Variants in NRXN3 observed in about 807,000 individuals in gnomAD.
NRXN3 encodes neurexin 3, also known as neurexin III.
NRXN3 carries 32 observed loss-of-function variants against 137.6 expected under a neutral mutation model. That is an observed-to-expected ratio of 0.23 (90% CI 0.18 to 0.31). The LOEUF is 0.31. Among genes scored for constraint, NRXN3 ranks in the 10% least tolerant of loss-of-function variants. The pLI is 1.00. For synonymous variants in NRXN3, 798 were observed against 784.5 expected, an observed-to-expected ratio of 1.02 and a Z score of -0.29; for missense variants, 1,574 against 2,062.5, an observed-to-expected ratio of 0.76 and a Z score of 4.59.
At position 78,874,133 on chromosome 14, in the gene NRXN3, G is replaced by A. The variant is rs143135856; in HGVS notation, c.2275+63789G>A. The stretch of plus-strand genomic sequence containing the variant: ...ATTACAGGAATGCACCACCATGTCC[G>A]GCTAATTTTTGTATTTTTAGTAGAG... On this transcript the variant is annotated intron_variant, in intron 10 of 20. Coordinates refer to ENST00000335750, the MANE Select transcript of NRXN3 (RefSeq NM_001330195.2). Among the ~76,000 whole-genome samples the A allele has an allele frequency of 4.2e-3, 641 of 151,966 alleles. 6 individuals carry two copies. The highest frequency in any genetic ancestry group is 0.015 in the African/African-American group (618 of 41,468).
chr14:79,534,190 G>T (rs1451708199), intron 16 of NRXN3, among the ~76,000 whole-genome samples: 2 of 152,130 alleles, frequency 1.3e-5, no homozygotes, highest in Non-Finnish European at 2.9e-5. Context: ...GAAGACCACT[G>T]GTTTATTCCA....
At chr14:78,407,720 T>A (rs2092574833) in intron 4 of NRXN3, among the ~76,000 whole-genome samples, 1 of 152,158 alleles carries the variant, frequency 6.6e-6, no homozygotes, top group African/African-American at 2.4e-5. Context: ...TATCTTTACC[T>A]CTCTTTTTAA....
intron 4 of NRXN3, among the ~76,000 whole-genome samples, chr14:78,542,426 C>T (rs2096599135): frequency 6.6e-6 from 1 of 152,252 alleles, no homozygotes; most frequent in South Asian, 2.1e-4. Context: ...AGGCTGCCAC[C>T]TTGCAGTTCA....
At chr14:78,530,378 A>C (rs1464516700) in intron 4 of NRXN3, among the ~76,000 whole-genome samples, 1 of 152,192 alleles carries the variant, frequency 6.6e-6, no homozygotes, top group African/African-American at 2.4e-5. Context: ...GCAGAAGGAA[A>C]TTTACTTAGA....
In NRXN3 at chr14:79,754,154, CT is replaced by C. The variant is rs1457284731; in HGVS notation, c.4015-50957del. Reference sequence around the variant, plus strand: ...CTGGCCAACATGGTGAAACCCCTGTCTCTACTAAAAGAAGAAAAAACAAAAA... The same window carrying C: ...CTGGCCAACATGGTGAAACCCCTGTCCTACTAAAAGAAGAAAAAACAAAAA... On this transcript the variant is annotated intron_variant, in intron 19 of 20. Coordinates refer to ENST00000335750, the MANE Select transcript of NRXN3 (RefSeq NM_001330195.2). 2.0e-5 allele frequency among the ~76,000 whole-genome samples: 3 copies of C among 151,956 alleles called. No individual in the cohort carries two copies. The East Asian group carries it at 5.8e-4, about 30-fold the overall frequency.
chr14:78,412,673 G>C (rs963661578), intron 4 of NRXN3, among the ~76,000 whole-genome samples: 5 of 152,152 alleles, frequency 3.3e-5, no homozygotes, highest in African/African-American at 1.2e-4. Flanking sequence ...CCCAGGTCAC[G>C]TGACTTCAGA....
chr14:78,574,959 T>A lies in NRXN3; in HGVS notation c.758-70161T>A, dbSNP rs144598610. 7.0e-4 allele frequency among the ~76,000 whole-genome samples: 106 copies of A among 152,322 alleles called. 1 individual carries two copies. The East Asian group carries it at 0.014, about 20-fold the overall frequency. ...AAATCTCACCTTGAATTATAATAATTCCCACATGTCAAGGGTGGGACCAGG... is the reference window on the plus strand; with the variant it reads ...AAATCTCACCTTGAATTATAATAATACCCACATGTCAAGGGTGGGACCAGG... On this transcript the variant is annotated intron_variant, in intron 4 of 20. Transcript: ENST00000335750.
intron 10 of NRXN3, among the ~76,000 whole-genome samples, chr14:78,935,270 G>C (rs1294211440): frequency 6.6e-6 from 1 of 152,138 alleles, no homozygotes; most frequent in Non-Finnish European, 1.5e-5. Flanking sequence ...AAGGGCTGTG[G>C]ATATATGTAC....
chr14:79,549,873 A>G (rs2097357105), intron 16 of NRXN3, among the ~76,000 whole-genome samples: 1 of 152,090 alleles, frequency 6.6e-6, no homozygotes, highest in Admixed American at 6.6e-5. Flanking sequence ...TCTGCTTGCA[A>G]AGAGGCTGAT....
chr14:79,810,412 T>G (rs759154527), intron 20 of NRXN3, among the ~76,000 whole-genome samples: 12 of 152,206 alleles, frequency 7.9e-5, no homozygotes, highest in Non-Finnish European at 1.6e-4. Context: ...ATGAAACACA[T>G]CCATCCATCA....
At chr14:79,319,921 A>G (rs1197852372) in intron 15 of NRXN3, among the ~76,000 whole-genome samples, 2 of 152,164 alleles carry the variant, frequency 1.3e-5, no homozygotes, top group Admixed American at 1.3e-4. Context: ...GAAATGCCCA[A>G]GGGTGTATTT....
intron 15 of NRXN3, among the ~76,000 whole-genome samples, chr14:79,092,487 G>GCA (rs147201198): frequency 1.2e-4 from 18 of 151,262 alleles, no homozygotes; most frequent in Admixed American, 2.0e-4. Context: ...GAACGTGCAT[G>GCA]CACACACACA....
At chr14:78,760,438 T>C (rs533634337) in intron 8 of NRXN3, among the ~76,000 whole-genome samples, 1 of 149,568 alleles carries the variant, frequency 6.7e-6, no homozygotes, top group Non-Finnish European at 1.5e-5. Flanking sequence ...AGGTGCTTTA[T>C]ATATAGCGAA....
intron 15 of NRXN3, among the ~76,000 whole-genome samples, chr14:79,206,245 A>G (rs2066764489): frequency 6.6e-6 from 1 of 152,244 alleles, no homozygotes; most frequent in Admixed American, 6.5e-5. Context: ...ACTATGCCAG[A>G]CATTCTTAAA....
intron 1 of NRXN3, among the ~76,000 whole-genome samples, chr14:78,189,071 T>A (rs1483227601): frequency 2.0e-5 from 3 of 152,188 alleles, no homozygotes; most frequent in Non-Finnish European, 4.4e-5. Context: ...ACCTAGTTGC[T>A]CAGACCTAAC....
chr14:78,864,444 C>T (rs776222653), intron 10 of NRXN3, among the ~76,000 whole-genome samples: 3 of 152,098 alleles, frequency 2.0e-5, no homozygotes, highest in Non-Finnish European at 4.4e-5. Context: ...AGGGCAGAAA[C>T]TGAAACCTAG....
chr14:78,811,050 G>A (rs2098909730), intron 10 of NRXN3, among the ~76,000 whole-genome samples: 1 of 152,066 alleles, frequency 6.6e-6, no homozygotes, highest in African/African-American at 2.4e-5. Flanking sequence ...TGTAGAAGGG[G>A]AATATGAAGA....
chr14:79,801,545 TGCAC>T (rs1356740910), intron 19 of NRXN3, among the ~76,000 whole-genome samples: 2 of 151,050 alleles, frequency 1.3e-5, no homozygotes, highest in African/African-American at 4.9e-5. Context: ...GTGACGTGTG[TGCAC>T]GCACACACAC....
At chr14:78,536,215 A>G (rs995307624) in intron 4 of NRXN3, among the ~76,000 whole-genome samples, 2 of 152,188 alleles carry the variant, frequency 1.3e-5, no homozygotes, top group African/African-American at 4.8e-5. Context: ...AGAGAAATTA[A>G]TGTCCTCTTT....
Sources: gnomAD v4.1 joint callset for allele counts (sites outside exome capture counted in the v4.1 genomes callset) on GRCh38, gnomAD v4.1.1 for gene constraint, MANE v1.5 for transcripts, NCBI Gene and HGNC (gene_info 2026-07-23, HGNC 2026-07-21) for gene names.